Variants in ADGRF3 observed in about 807,000 individuals in gnomAD.
ADGRF3 encodes G protein-coupled receptor 113.
In ADGRF3, 85 loss-of-function variants were observed where a neutral mutation model predicts 93.2. The observed-to-expected ratio is 0.91, with a 90% CI of 0.77 to 1.09. The LOEUF (loss-of-function observed/expected upper bound fraction) is 1.09. Among genes scored for constraint, ADGRF3 ranks in the 50% least tolerant of loss-of-function variants. ADGRF3 has a pLI of 0.00. For synonymous variants in ADGRF3, 534 were observed against 532.5 expected, an observed-to-expected ratio of 1.00 and a Z score of -0.04; for missense variants, 1,125 against 1,246.2, an observed-to-expected ratio of 0.90 and a Z score of 1.46.
chr2:26,308,919 G>A lies in ADGRF3; in HGVS notation c.*167C>T. On this transcript the variant is annotated 3_prime_UTR_variant, in exon 14 of 14. Transcript: ENST00000651242. ...CTGGATACTTTAGAAATGAGAAGGGGTGAGCTGTAAGATAAATGAGTGTCA... is the reference window on the plus strand; with the variant it reads ...CTGGATACTTTAGAAATGAGAAGGGATGAGCTGTAAGATAAATGAGTGTCA... The A allele has an allele frequency of 1.2e-6, 1 of 848,482 alleles. No individual in the cohort carries two copies. Among genetic ancestry groups the A allele is most frequent in the Non-Finnish European group, 1.9e-6 (1 of 532,810 alleles). 52.6% of individuals were successfully genotyped at this position (848,482 alleles called of 1,614,324 possible).
intron 1 of ADGRF3, among the ~76,000 whole-genome samples, chr2:26,341,433 G>C (rs1676392352): frequency 6.6e-6 from 1 of 152,066 alleles, no homozygotes; most frequent in South Asian, 2.1e-4. Context: ...CAAAATAGCA[G>C]AGACACCATC....
At chr2:26,341,729 C>A (rs1184059388) in intron 1 of ADGRF3, among the ~76,000 whole-genome samples, 2 of 152,024 alleles carry the variant, frequency 1.3e-5, no homozygotes, top group African/African-American at 4.8e-5. Flanking sequence ...AATTCCTGGG[C>A]TCAAGGGACC....
At chr2:26,313,699 G>C (rs1472523824) in intron 7 of ADGRF3, 61 bp downstream of exon 7, 13 of 1,602,236 alleles carry the variant, frequency 8.1e-6, no homozygotes, top group Admixed American at 1.7e-5. Context: ...CCATGCAAGA[G>C]AGCCCGTGCT....
chr2:26,328,422 C>A (rs1034833041), intron 1 of ADGRF3, among the ~76,000 whole-genome samples: 1 of 150,904 alleles, frequency 6.6e-6, no homozygotes, highest in South Asian at 2.1e-4. Flanking sequence ...TCTTCTCTGG[C>A]GCTCTAATGA....
chr2:26,313,453 C>A lies in ADGRF3; in HGVS notation c.1193G>T (p.Gly398Val), dbSNP rs1674373643. 1 of 1,610,780 alleles carries A rather than the reference C, an allele frequency of 6.2e-7. No individual in the cohort carries two copies. The highest frequency in any genetic ancestry group is 8.5e-7 in the Non-Finnish European group (1 of 1,178,624). ...GACCGGCCCCCAGACTCCGTCAGCCCCACAGAGCCTCCTCACTATGCCCCT... is the reference window on the plus strand; with the variant it reads ...GACCGGCCCCCAGACTCCGTCAGCCACACAGAGCCTCCTCACTATGCCCCT... ...SKRGIVRRLC[G>V]ADGVWGPVHS... Residue 398 changes from glycine to valine, a missense_variant, in exon 8 of 14, where the codon GGG (glycine) becomes GTG (valine). Gly to Val is a moderately radical substitution (Grantham distance 109). Transcript: ENST00000651242.
At chr2:26,312,174 C>G in intron 9 of ADGRF3, 100 bp from the exon 10 acceptor site, 1 of 1,186,436 alleles carries the variant, frequency 8.4e-7, no homozygotes, top group Non-Finnish European at 1.2e-6. Flanking sequence ...CCTTCCCAGT[C>G]CAGTGTGCGA....
chr2:26,346,409 G>C lies in ADGRF3; in HGVS notation c.-175C>G, dbSNP rs571890092. 2.0e-5 allele frequency: 26 copies of C among 1,269,358 alleles called. No homozygotes were observed. The South Asian group carries it at 4.2e-4, about 21-fold the overall frequency. 78.6% of individuals were successfully genotyped at this position (1,269,358 alleles called of 1,614,324 possible). On this transcript the variant is annotated 5_prime_UTR_variant, in exon 1 of 14. Transcript: ENST00000651242. ...CGTGGCTCCGGGCGGGCTGGCGGGC[G>C]TTCCTCCGGAGGTCCTGCGGGTCCT... is the stretch of plus-strand genomic sequence containing the variant.
intron 1 of ADGRF3, among the ~76,000 whole-genome samples, chr2:26,321,107 C>T (rs72851601): frequency 1.2e-3 from 183 of 151,954 alleles, no homozygotes; most frequent in African/African-American, 4.1e-3. Flanking sequence ...ACACAAAGTA[C>T]GAAGTACCTA....
chr2:26,346,366 C>A lies in ADGRF3; in HGVS notation c.-132G>T. 6.7e-7 allele frequency: 1 copy of A among 1,488,892 alleles called. No homozygotes were observed. The highest frequency in any genetic ancestry group is 1.3e-5 in the South Asian group (1 of 77,266). 92.2% of individuals were successfully genotyped at this position (1,488,892 alleles called of 1,614,324 possible). A position where few individuals can be genotyped will look rare whatever the true frequency, so the allele number is the denominator to read the frequency against. ...GGCTGAGGGGCCCGCGCGGCGCGGT[C>A]CGTGTCACCTTGTGCCGCGTGGCTC... On this transcript the variant is annotated 5_prime_UTR_variant, in exon 1 of 14. Transcript: ENST00000651242.
intron 9 of ADGRF3, 71 bp from the exon 10 acceptor site, chr2:26,312,145 C>A (rs1172199890): frequency 1.4e-6 from 2 of 1,417,804 alleles, no homozygotes; most frequent in African/African-American, 1.4e-5. Flanking sequence ...GCAATGAGAA[C>A]AACAGACCCC....
At chr2:26,330,624 T>G (rs1413166078) in intron 1 of ADGRF3, among the ~76,000 whole-genome samples, 2 of 152,072 alleles carry the variant, frequency 1.3e-5, no homozygotes, top group African/African-American at 4.8e-5. Flanking sequence ...GCTTAGAGGC[T>G]GGGTGTGAAA....
At chr2:26,336,722 TAAAAAAA>T (rs57691864) in intron 1 of ADGRF3, among the ~76,000 whole-genome samples, 15 of 22,086 alleles carry the variant, frequency 6.8e-4, no homozygotes, top group South Asian at 3.6e-3. Flanking sequence ...TGAGACTCCA[TAAAAAAA>T]AAAAAAAAAA....
intron 2 of ADGRF3, 97 bp from the exon 3 acceptor site, chr2:26,317,152 G>A: frequency 7.6e-7 from 1 of 1,312,554 alleles, no homozygotes; most frequent in Admixed American, 2.4e-5. Context: ...TCCCAGGAAT[G>A]CAGAGCAGAC....
At chr2:26,319,175 C>T (rs984325889) in intron 1 of ADGRF3, 20 of 980,974 alleles carry the variant, frequency 2.0e-5, no homozygotes, top group African/African-American at 6.5e-5. Context: ...ACAGAGGAAG[C>T]GCTACAGCCT....
intron 1 of ADGRF3, 188 bp downstream of exon 1, chr2:26,345,933 C>T: frequency 1.7e-6 from 1 of 578,238 alleles, no homozygotes; most frequent in South Asian, 2.3e-5. Flanking sequence ...AGCTGGAAGG[C>T]GGGACTTAGT....
At chr2:26,314,738 C>T (rs1392559887) in intron 5 of ADGRF3, 115 bp from the exon 6 acceptor site, 2 of 942,072 alleles carry the variant, frequency 2.1e-6, no homozygotes, top group Non-Finnish European at 1.6e-6. Flanking sequence ...CCACCCAGTG[C>T]TTAACCCCAG....
At chr2:26,313,959 C>T in intron 6 of ADGRF3, 56 bp from the exon 7 acceptor site, 1 of 1,601,602 alleles carries the variant, frequency 6.2e-7, no homozygotes, top group Non-Finnish European at 8.5e-7. Flanking sequence ...GCCTGGAACC[C>T]AGCAGGCTCT....
intron 1 of ADGRF3, chr2:26,318,942 G>C: frequency 1.3e-6 from 2 of 1,551,708 alleles, no homozygotes; most frequent in Non-Finnish European, 1.7e-6. Context: ...GACCTTCCCT[G>C]GGTCTCACCC....
chr2:26,314,975 G>A (rs943806727), intron 5 of ADGRF3, among the ~76,000 whole-genome samples: 6 of 152,188 alleles, frequency 3.9e-5, no homozygotes, highest in African/African-American at 1.2e-4. Flanking sequence ...TCCATATTTT[G>A]TGTGGAGAAT....
Sources: allele counts gnomAD v4.1 joint callset (sites outside exome capture counted in the v4.1 genomes callset), GRCh38; gene constraint gnomAD v4.1.1; transcripts MANE v1.5; gene names NCBI Gene and HGNC (gene_info 2026-07-23, HGNC 2026-07-21).